NLRP5: variants seen among roughly 807,000 people sequenced by gnomAD.
The protein encoded by NLRP5 is NLR family pyrin domain containing 5.
NLRP5 carries 93 observed loss-of-function variants against 113.1 expected under a neutral mutation model. The ratio of observed to expected loss-of-function variants is 0.82; its 90% CI spans 0.70 to 0.98. NLRP5 has a LOEUF of 0.98. NLRP5 is among the 50% of genes least tolerant of loss of function. The probability of loss-of-function intolerance (pLI) is 0.00; values close to 1 mark genes in which losing one functional copy is unlikely to be tolerated. For missense variants in NLRP5, 1,808 were observed against 1,514.3 expected (o/e 1.19, Z -3.22); for synonymous variants, 751 against 600.7 (o/e 1.25, Z -3.66).
At chr19:55,993,768 A>G in the NLRP5 span, among the ~76,000 whole-genome samples, 1 of 150,794 alleles carries the variant, frequency 6.6e-6, no homozygotes, top group African/African-American at 2.4e-5. Context: ...ACAATGAACT[A>G]CAGGCTGTAG....
chr19:56,000,514 G>A (rs1372930380), intron 1 of NLRP5, among the ~76,000 whole-genome samples: 9 of 151,650 alleles, frequency 5.9e-5, no homozygotes, highest in South Asian at 2.1e-4. Flanking sequence ...ACAGGCGCCC[G>A]CCACCACGCC....
chr19:55,990,157 C>G, the NLRP5 span, among the ~76,000 whole-genome samples: 1 of 132,406 alleles, frequency 7.6e-6, no homozygotes, highest in Non-Finnish European at 1.5e-5. Context: ...GGTGAGATCT[C>G]AGCTCACTGC....
At chr19:56,004,414 C>A (rs1045417740) in intron 2 of NLRP5, among the ~76,000 whole-genome samples, 1 of 152,194 alleles carries the variant, frequency 6.6e-6, no homozygotes, top group Non-Finnish European at 1.5e-5. Flanking sequence ...TCGGGCATGT[C>A]TCCTTCTGTT....
chr19:55,996,446 C>T (rs557555984), upstream of NLRP5, among the ~76,000 whole-genome samples: 11 of 152,242 alleles, frequency 7.2e-5, 1 homozygote, highest in East Asian at 2.1e-3. Context: ...TGGTGTGCTG[C>T]ACCCATTAAC....
chr19:56,033,485 A>AT, intron 8 of NLRP5, 57 bp from the exon 9 acceptor site: 1 of 1,338,122 alleles, frequency 7.5e-7, no homozygotes, highest in Non-Finnish European at 1.0e-6. Flanking sequence ...GGAAGGAAAA[A>AT]TGAGGATACA....
At chr19:56,054,143 CAA>C (rs768999318) in intron 13 of NLRP5, among the ~76,000 whole-genome samples, 23 of 152,100 alleles carry the variant, frequency 1.5e-4, no homozygotes, top group Non-Finnish European at 2.9e-4. Flanking sequence ...AGTCTAGAGA[CAA>C]AGACGGGCAG....
intron 10 of NLRP5, among the ~76,000 whole-genome samples, chr19:56,039,094 C>A (rs1169147570): frequency 1.3e-5 from 2 of 152,120 alleles, no homozygotes; most frequent in Non-Finnish European, 2.9e-5. Context: ...CCCTCCAACC[C>A]TTCCTCGCTG....
At chr19:56,023,015 T>C (rs1382821018) in intron 6 of NLRP5, among the ~76,000 whole-genome samples, 3 of 152,194 alleles carry the variant, frequency 2.0e-5, no homozygotes, top group Non-Finnish European at 2.9e-5. Flanking sequence ...CGTGAGCCAC[T>C]GCACCCAGCG....
At chr19:56,022,282 C>T (rs1366607046) in intron 6 of NLRP5, among the ~76,000 whole-genome samples, 1 of 152,176 alleles carries the variant, frequency 6.6e-6, no homozygotes, top group African/African-American at 2.4e-5. Context: ...TACAGTGGCA[C>T]AATCACAGCT....
chr19:56,047,345 C>G (rs563828452), intron 11 of NLRP5, among the ~76,000 whole-genome samples: 4 of 152,104 alleles, frequency 2.6e-5, no homozygotes, highest in African/African-American at 9.7e-5. Flanking sequence ...TCAGTTGATG[C>G]TCTTTCAGCC....
chr19:56,041,178 G>T, intron 11 of NLRP5, 86 bp downstream of exon 11: 4 of 1,347,374 alleles, frequency 3.0e-6, no homozygotes, highest in Non-Finnish European at 4.2e-6. Context: ...CAGTGGGGAG[G>T]GGGTGTGGAC....
At chr19:56,053,176 A>T (rs977314487) in intron 12 of NLRP5, among the ~76,000 whole-genome samples, 6 of 152,152 alleles carry the variant, frequency 3.9e-5, no homozygotes, top group Non-Finnish European at 1.5e-5. Context: ...CAGGCGGATC[A>T]CCTGAGGTCA....
Position 56,041,030 on chromosome 19 carries a change from C to T in NLRP5, c.2895C>T (p.Asn965=), listed in dbSNP as rs141696788. Residue 965 remains asparagine (N), a synonymous_variant, in exon 11 of 15, where the codon AAC becomes AAT. Transcript: ENST00000390649. The stretch of plus-strand genomic sequence containing the variant: ...GCCTATCCAACAACAGCCTGGGGAA[C>T]GAAGGTGTAAATCTACTGTGTCGAT... The T allele has an allele frequency of 1.2e-5, 20 of 1,613,854 alleles. No individual in the cohort carries two copies. The South Asian group carries it at 1.3e-4, about 11-fold the overall frequency.
intron 3 of NLRP5, among the ~76,000 whole-genome samples, chr19:56,014,069 T>A (rs1477713430): frequency 1.3e-5 from 2 of 152,206 alleles, no homozygotes; most frequent in African/African-American, 2.4e-5. Context: ...ATTCCCCTGT[T>A]CTCTGAGTTG....
rs200149352 is a variant in NLRP5 at position 56,028,144 on chromosome 19, G to A, written c.1911G>A (p.Leu637=). ...ACTCGCTTTGGATGAAGCGTTTCTT[G>A]TTTGGCCTCGTGAGCGAAGACGTAA... The change falls in exon 7 of 15, where the codon TTG becomes TTA. Residue 637 remains leucine (L), a synonymous_variant. Transcript: ENST00000390649. 3.1e-6 allele frequency: 5 copies of A among 1,614,010 alleles called. No homozygotes were observed. The East Asian group carries it at 8.9e-5, about 29-fold the overall frequency.
rs1981757068 is a variant in NLRP5 at position 56,003,998 on chromosome 19, G to C, written c.345G>C (p.Glu115Asp). The change falls in exon 2 of 15, where the codon GAG becomes GAC. Residue 115 changes from glutamate to aspartate, a missense_variant. Transcript: ENST00000390649. ...AATGTCTGGCACTCCTCTTGCATGA[G>C]TATTATGGAGCATCGCTGGCCTGGG... 1.2e-6 allele frequency: 2 copies of C among 1,613,960 alleles called. No individual in the cohort carries two copies. Among genetic ancestry groups the C allele is most frequent in the Non-Finnish European group, 1.7e-6 (2 of 1,179,880 alleles).
At chr19:56,051,951 A>G (rs1018824186) in intron 12 of NLRP5, among the ~76,000 whole-genome samples, 1 of 152,212 alleles carries the variant, frequency 6.6e-6, no homozygotes, top group African/African-American at 2.4e-5. Flanking sequence ...AGTGCCCCCA[A>G]GTATTAATTC....
At chr19:56,054,873 G>A (rs1240937880) in intron 13 of NLRP5, among the ~76,000 whole-genome samples, 2 of 152,022 alleles carry the variant, frequency 1.3e-5, no homozygotes, top group East Asian at 3.9e-4. Flanking sequence ...TGTTTACCAT[G>A]TGTGAGCACT....
the NLRP5 span, among the ~76,000 whole-genome samples, chr19:55,989,545 G>A: frequency 2.6e-5 from 4 of 152,156 alleles, no homozygotes; most frequent in Non-Finnish European, 4.4e-5. Context: ...GAGCCACTGC[G>A]CCCGGCCTTT....
Sources: gnomAD v4.1 joint callset for allele counts (sites outside exome capture counted in the v4.1 genomes callset) on GRCh38, gnomAD v4.1.1 for gene constraint, MANE v1.5 for transcripts, NCBI Gene and HGNC (gene_info 2026-07-23, HGNC 2026-07-21) for gene names.